The following RBKS variants were observed in gnomAD, a reference collection of about 807,000 sequenced individuals.
The protein encoded by RBKS is ribokinase.
Under a neutral mutation model 33.9 loss-of-function variants are expected in RBKS, and 33 were observed. The observed-to-expected ratio is 0.97, with a 90% CI of 0.74 to 1.30. The LOEUF is 1.30. Ranked by LOEUF, RBKS falls within the 50% of genes most tolerant of loss-of-function variation. The pLI is 0.00. For synonymous variants in RBKS, 125 were observed against 143.0 expected (o/e 0.87, Z 0.90); for missense variants, 361 against 392.6 (o/e 0.92, Z 0.68).
chr2:27,801,024 A>T (rs545365390), intron 7 of RBKS, among the ~76,000 whole-genome samples: 1 of 152,316 alleles, frequency 6.6e-6, no homozygotes, highest in South Asian at 2.1e-4. Flanking sequence ...GCTGGCAGGG[A>T]CAGCCTGCAC....
intron 7 of RBKS, among the ~76,000 whole-genome samples, chr2:27,808,283 T>C (rs1014785451): frequency 2.0e-5 from 3 of 152,204 alleles, no homozygotes; most frequent in Non-Finnish European, 4.4e-5. Flanking sequence ...TCAACTACTA[T>C]AAAACAAGAA....
At chr2:27,840,357 C>T (rs1458038030) in intron 5 of RBKS, among the ~76,000 whole-genome samples, 23 of 90,186 alleles carry the variant, frequency 2.6e-4, no homozygotes, top group Non-Finnish European at 5.1e-4. Context: ...CACACACACG[C>T]GCGCGCGCAC....
At chr2:27,812,051 C>T (rs1008010275) in intron 7 of RBKS, among the ~76,000 whole-genome samples, 2 of 152,206 alleles carry the variant, frequency 1.3e-5, no homozygotes, top group African/African-American at 4.8e-5. Context: ...ATCCTTTGCC[C>T]ACTTTTTGAT....
intron 7 of RBKS, among the ~76,000 whole-genome samples, chr2:27,815,594 G>C (rs1188673478): frequency 1.3e-5 from 2 of 152,114 alleles, no homozygotes; most frequent in Non-Finnish European, 2.9e-5. Flanking sequence ...TGTTGTCCTG[G>C]CAGTTTTGCT....
intron 6 of RBKS, among the ~76,000 whole-genome samples, chr2:27,831,341 T>G (rs1340371955): frequency 6.6e-6 from 1 of 152,162 alleles, no homozygotes; most frequent in Non-Finnish European, 1.5e-5. Flanking sequence ...ATTGAATAAG[T>G]AATTTGAGCT....
At chr2:27,785,797 G>A (rs576232276) in intron 7 of RBKS, among the ~76,000 whole-genome samples, 1 of 151,784 alleles carries the variant, frequency 6.6e-6, no homozygotes, top group African/African-American at 2.4e-5. Context: ...AATGTGTAAC[G>A]CTCTTTGATT....
At chr2:27,811,372 T>A (rs1186379402) in intron 7 of RBKS, among the ~76,000 whole-genome samples, 3 of 152,220 alleles carry the variant, frequency 2.0e-5, no homozygotes, top group Non-Finnish European at 4.4e-5. Context: ...ATGTGGAAAA[T>A]TCAGAGTGTG....
chr2:27,876,077 G>T (rs1379880237), intron 1 of RBKS, among the ~76,000 whole-genome samples: 1 of 152,060 alleles, frequency 6.6e-6, no homozygotes, highest in Admixed American at 6.6e-5. Context: ...ACAATATGGT[G>T]GGTCCTCAAA....
intron 7 of RBKS, among the ~76,000 whole-genome samples, chr2:27,813,409 T>C (rs1335678223): frequency 1.3e-5 from 2 of 152,106 alleles, no homozygotes; most frequent in Non-Finnish European, 2.9e-5. Flanking sequence ...GAATCTACCA[T>C]ATGAAAGAAT....
At chr2:27,818,414 G>C (rs1678138977) in intron 7 of RBKS, among the ~76,000 whole-genome samples, 1 of 152,208 alleles carries the variant, frequency 6.6e-6, no homozygotes, top group Non-Finnish European at 1.5e-5. Context: ...AGACTAGGCA[G>C]ACTGTCACCA....
chr2:27,847,997 C>A, intron 3 of RBKS, 37 bp downstream of exon 3: 1 of 1,149,100 alleles, frequency 8.7e-7, no homozygotes, highest in Non-Finnish European at 1.3e-6. Context: ...CAGAAAAAAG[C>A]TATAAACACT....
At chr2:27,875,352 AG>A (rs545831203) in intron 1 of RBKS, among the ~76,000 whole-genome samples, 129 of 152,346 alleles carry the variant, frequency 8.5e-4, no homozygotes, top group African/African-American at 3.1e-3. Flanking sequence ...GTTCGAGAGC[AG>A]CCTGGGCAAC....
chr2:27,875,419 G>A (rs1450421357), intron 1 of RBKS, among the ~76,000 whole-genome samples: 1 of 152,106 alleles, frequency 6.6e-6, no homozygotes, highest in Non-Finnish European at 1.5e-5. Context: ...TGGGCATGGT[G>A]GTATGCACCT....
chr2:27,879,126 C>CT, intron 1 of RBKS, among the ~76,000 whole-genome samples: 1 of 152,280 alleles, frequency 6.6e-6, no homozygotes, highest in Middle Eastern at 3.4e-3. Flanking sequence ...CTTCCTTCCC[C>CT]TTTTTTTCTG....
intron 1 of RBKS, among the ~76,000 whole-genome samples, chr2:27,872,796 C>T (rs1203545031): frequency 6.6e-6 from 1 of 152,110 alleles, no homozygotes; most frequent in African/African-American, 2.4e-5. Context: ...GAAAGTCAGC[C>T]TAGCTTAATG....
chr2:27,827,802 C>G (rs754915189), intron 6 of RBKS, 47 bp from the exon 7 acceptor site: 3 of 1,438,608 alleles, frequency 2.1e-6, no homozygotes, highest in Non-Finnish European at 2.8e-6. Flanking sequence ...AATAAGTAAC[C>G]TGAATCCACT....
intron 7 of RBKS, among the ~76,000 whole-genome samples, chr2:27,806,883 G>A (rs1417062499): frequency 6.6e-6 from 1 of 152,204 alleles, no homozygotes; most frequent in African/African-American, 2.4e-5. Flanking sequence ...TGGGATTTGT[G>A]TTTCAAATGA....
At chr2:27,842,515 C>G (rs1663530419) in intron 5 of RBKS, among the ~76,000 whole-genome samples, 1 of 152,134 alleles carries the variant, frequency 6.6e-6, no homozygotes, top group Admixed American at 6.6e-5. Context: ...AGATGTTTGT[C>G]AAAAAGTAAC....
intron 7 of RBKS, among the ~76,000 whole-genome samples, chr2:27,823,171 T>C (rs936710381): frequency 2.0e-5 from 3 of 152,082 alleles, no homozygotes; most frequent in African/African-American, 7.2e-5. Context: ...GAGATTCAGA[T>C]AACATATAGA....
Sources: allele counts gnomAD v4.1 joint callset (sites outside exome capture counted in the v4.1 genomes callset), GRCh38; gene constraint gnomAD v4.1.1; transcripts MANE v1.5; gene names NCBI Gene and HGNC (gene_info 2026-07-23, HGNC 2026-07-21).